Variants in MPPED2 observed in about 807,000 individuals in gnomAD.
The protein encoded by MPPED2 is metallophosphoesterase MPPED2.
In MPPED2, 5 loss-of-function variants were observed where a neutral mutation model predicts 33.0. The observed-to-expected ratio is 0.15, with a 90% CI of 0.08 to 0.32. MPPED2 has a LOEUF of 0.32. Among genes scored for constraint, MPPED2 ranks in the 10% least tolerant of loss-of-function variants. The probability of loss-of-function intolerance (pLI) is 1.00; values close to 1 mark genes in which losing one functional copy is unlikely to be tolerated. For synonymous variants in MPPED2, 136 were observed against 141.9 expected, an observed-to-expected ratio of 0.96 and a Z score of 0.29; for missense variants, 275 against 372.1, an observed-to-expected ratio of 0.74 and a Z score of 2.15.
intron 2 of MPPED2, among the ~76,000 whole-genome samples, chr11:30,538,732 A>G (rs544647678): frequency 7.9e-5 from 12 of 152,168 alleles, no homozygotes; most frequent in Middle Eastern, 3.4e-3. Context: ...AGGCTCGCAC[A>G]TCTACACCAC....
chr11:30,574,656 G>A (rs1170307368), intron 2 of MPPED2, among the ~76,000 whole-genome samples: 2 of 152,108 alleles, frequency 1.3e-5, no homozygotes, highest in African/African-American at 4.8e-5. Context: ...ATAGAAGAAG[G>A]TGCTACCCAA....
intron 3 of MPPED2, among the ~76,000 whole-genome samples, chr11:30,496,550 G>T (rs1952262569): frequency 6.6e-6 from 1 of 152,040 alleles, no homozygotes; most frequent in African/African-American, 2.4e-5. Context: ...GAGACCTATG[G>T]GTCTGATGTG....
chr11:30,392,270 C>T (rs1410146709), intron 6 of MPPED2, among the ~76,000 whole-genome samples: 1 of 152,190 alleles, frequency 6.6e-6, no homozygotes, highest in Non-Finnish European at 1.5e-5. Context: ...CCTTCTCTCT[C>T]TTGAAATGTC....
chr11:30,434,148 C>G (rs1054126065), intron 4 of MPPED2, among the ~76,000 whole-genome samples: 2 of 152,194 alleles, frequency 1.3e-5, no homozygotes, highest in Non-Finnish European at 2.9e-5. Flanking sequence ...TTTAATCACA[C>G]CTGCAAAATC....
intron 2 of MPPED2, among the ~76,000 whole-genome samples, chr11:30,547,046 T>C (rs1215448377): frequency 6.6e-6 from 1 of 152,208 alleles, no homozygotes; most frequent in African/African-American, 2.4e-5. Flanking sequence ...GCAGAGTATA[T>C]CATACTTTCC....
At chr11:30,467,416 G>A (rs190156106) in intron 4 of MPPED2, among the ~76,000 whole-genome samples, 36 of 152,296 alleles carry the variant, frequency 2.4e-4, no homozygotes, top group Admixed American at 9.1e-4. Flanking sequence ...CCCAAATCAT[G>A]CCATCACTCC....
chr11:30,551,742 C>CTTACTATGGATTT (rs1955723915), intron 2 of MPPED2, among the ~76,000 whole-genome samples: 2 of 152,162 alleles, frequency 1.3e-5, no homozygotes, highest in Admixed American at 6.5e-5. Flanking sequence ...GTTCTAGAGA[C>CTTACTATGGATTT]AAACAGCATG....
chr11:30,486,730 C>T (rs902422121), intron 4 of MPPED2, among the ~76,000 whole-genome samples: 3 of 152,150 alleles, frequency 2.0e-5, no homozygotes, highest in Non-Finnish European at 4.4e-5. Flanking sequence ...GAACGATGCT[C>T]ACCTGAAGAG....
At chr11:30,516,710 A>C (rs959215075) in intron 3 of MPPED2, among the ~76,000 whole-genome samples, 1 of 152,230 alleles carries the variant, frequency 6.6e-6, no homozygotes, top group African/African-American at 2.4e-5. Context: ...ACTGTAGATA[A>C]GTGCTAATGC....
chr11:30,433,452 T>A (rs114992392), intron 4 of MPPED2, among the ~76,000 whole-genome samples: 4,303 of 152,242 alleles, frequency 0.028, 177 homozygotes, highest in Admixed American at 0.082. Flanking sequence ...CTCTTTGAGG[T>A]GAATGCTGTG....
chr11:30,571,997 T>A (rs1956713958), intron 2 of MPPED2, among the ~76,000 whole-genome samples: 1 of 152,150 alleles, frequency 6.6e-6, no homozygotes, highest in African/African-American at 2.4e-5. Flanking sequence ...ATAGATTCAG[T>A]CTGTAAGGAG....
At chr11:30,491,160 T>A (rs1483405939) in intron 4 of MPPED2, among the ~76,000 whole-genome samples, 4 of 152,178 alleles carry the variant, frequency 2.6e-5, no homozygotes, top group African/African-American at 7.2e-5. Context: ...GGGAGAAAAG[T>A]GGTACCTATG....
intron 1 of MPPED2, chr11:30,584,597 GGATT>G (rs1337749203): frequency 4.6e-5 from 7 of 152,236 alleles, no homozygotes; most frequent in African/African-American, 1.7e-4. Context: ...CCCTAGCTCT[GGATT>G]GATTGATGAC....
intron 4 of MPPED2, among the ~76,000 whole-genome samples, chr11:30,485,160 C>A (rs561516067): frequency 6.6e-6 from 1 of 152,004 alleles, no homozygotes; most frequent in Non-Finnish European, 1.5e-5. Flanking sequence ...GGAAGCAAAC[C>A]GATTTGGGAC....
At chr11:30,414,592 T>C (rs1948259867) in intron 5 of MPPED2, among the ~76,000 whole-genome samples, 1 of 152,202 alleles carries the variant, frequency 6.6e-6, no homozygotes, top group Non-Finnish European at 1.5e-5. Flanking sequence ...CTGTAGGAGA[T>C]TTGATTTATT....
intron 3 of MPPED2, among the ~76,000 whole-genome samples, chr11:30,497,282 A>G (rs1952310403): frequency 6.6e-6 from 1 of 152,140 alleles, no homozygotes; most frequent in Non-Finnish European, 1.5e-5. Flanking sequence ...TAGGGCCACA[A>G]ATTCCCAGTA....
rs1949942238 is a variant in MPPED2, at chr11:30,449,167, C to T, written c.537-31534G>A. Among the ~76,000 whole-genome samples, 3 of 143,236 alleles carry T rather than the reference C, an allele frequency of 2.1e-5. No homozygotes were observed. In the South Asian group the frequency reaches 7.2e-4, roughly 34 times the overall value. 94.0% of individuals were successfully genotyped at this position (143,236 alleles called of 152,430 possible). A position where few individuals can be genotyped will look rare whatever the true frequency, so the allele number is the denominator to read the frequency against. On this transcript the variant is annotated intron_variant, in intron 4 of 6. Transcript: ENST00000358117. ...CACAGTGCCTGGAACATGGTAGTTG[C>T]TCAGTAAATGTTAAGAGAATGAATG...
chr11:30,560,156 A>C (rs1956172601), intron 2 of MPPED2, among the ~76,000 whole-genome samples: 1 of 152,284 alleles, frequency 6.6e-6, no homozygotes, highest in Non-Finnish European at 1.5e-5. Flanking sequence ...TGAAGTCAGT[A>C]ATTATTTTTA....
At chr11:30,489,741 AAAGC>A (rs1165424836) in intron 4 of MPPED2, among the ~76,000 whole-genome samples, 1 of 152,178 alleles carries the variant, frequency 6.6e-6, no homozygotes, top group African/African-American at 2.4e-5. Flanking sequence ...TGGACATTGG[AAAGC>A]CCCACTCATA....
Sources: allele counts gnomAD v4.1 joint callset (sites outside exome capture counted in the v4.1 genomes callset), GRCh38; gene constraint gnomAD v4.1.1; transcripts MANE v1.5; gene names NCBI Gene and HGNC (gene_info 2026-07-23, HGNC 2026-07-21).